The following NOS2 variants were observed in gnomAD, a reference collection of about 807,000 sequenced individuals.
NOS2 encodes nitric oxide synthase 2, also known as nitric oxide synthase, inducible.
NOS2 carries 96 observed loss-of-function variants against 136.0 expected under a neutral mutation model. The ratio of observed to expected loss-of-function variants is 0.71; its 90% CI spans 0.60 to 0.84. The LOEUF (loss-of-function observed/expected upper bound fraction) is 0.84. Ranked by LOEUF, NOS2 falls within the 40% of genes least tolerant of loss-of-function variation. The probability of loss-of-function intolerance (pLI) is 0.00; values close to 1 mark genes in which losing one functional copy is unlikely to be tolerated. For missense variants in NOS2, 1,237 were observed against 1,496.9 expected (o/e 0.83, Z 2.87); for synonymous variants, 539 against 587.5 (o/e 0.92, Z 1.20).
chr17:27,794,342 G>A (rs1909286029), intron 2 of NOS2, among the ~76,000 whole-genome samples: 1 of 152,214 alleles, frequency 6.6e-6, no homozygotes, highest in Non-Finnish European at 1.5e-5. Context: ...TATTGCAGGA[G>A]GGATCGTAAG....
At chr17:27,776,859 T>A (rs1168828827) in intron 11 of NOS2, among the ~76,000 whole-genome samples, 2 of 152,102 alleles carry the variant, frequency 1.3e-5, no homozygotes, top group African/African-American at 4.8e-5. Context: ...ATTATCCCCA[T>A]TTTACAGAGG....
At chr17:27,765,231 A>C (rs923413008) in intron 20 of NOS2, among the ~76,000 whole-genome samples, 4 of 152,092 alleles carry the variant, frequency 2.6e-5, no homozygotes, top group African/African-American at 7.2e-5. Context: ...CAAGTGATCC[A>C]CCCACCACGG....
At chr17:27,785,331 A>G (rs1254064409) in intron 5 of NOS2, among the ~76,000 whole-genome samples, 1 of 152,142 alleles carries the variant, frequency 6.6e-6, no homozygotes, top group Admixed American at 6.5e-5. Flanking sequence ...AAATCCCTGG[A>G]CCCCGAAAGG....
At position 27,760,064 on chromosome 17, in the gene NOS2, T is replaced by A. The variant is rs568465927; in HGVS notation, c.3125A>T (p.His1042Leu). Residue 1042 changes from histidine (H) to leucine (L), a missense_variant, in exon 25 of 27, where the codon CAC becomes CTC. His to Leu is a moderately conservative substitution (Grantham distance 99). This residue lies in a region of NOS2 where 782 missense variants were observed against 909.9 expected (regional missense o/e 0.86). Transcript: ENST00000313735. ...GCCAGGCAGGCGGGAATAGGCTGTG[T>A]GCACCGCATGCAGCACCCCCTTCTG... The part of the protein sequence containing the change: ...MAQKGVLHAV[H>L]TAYSRLPGKP... 6.3e-6 allele frequency: 10 copies of A among 1,589,974 alleles called. No homozygotes were observed. In the Admixed American group the frequency reaches 1.8e-4, roughly 29 times the overall value.
chr17:27,771,789 GAGCTCCCCA>G (rs1273770904), intron 14 of NOS2, among the ~76,000 whole-genome samples: 2 of 152,246 alleles, frequency 1.3e-5, no homozygotes, highest in Non-Finnish European at 2.9e-5. Flanking sequence ...GTATGCTGGA[GAGCTCCCCA>G]AGGGCAAGGC....
chr17:27,778,766 T>G lies in NOS2; in HGVS notation c.1205A>C (p.Glu402Ala), dbSNP rs776131561. The G allele has an allele frequency of 6.2e-7, 1 of 1,614,070 alleles. No homozygotes were observed. Among genetic ancestry groups the G allele is most frequent in the East Asian group, 2.2e-5 (1 of 44,888 alleles). Residue 402 changes from glutamate to alanine, a missense_variant, in exon 11 of 27, where the codon GAA becomes GCA. Glu to Ala is a moderately radical substitution (Grantham distance 107, BLOSUM62 -1). Transcript: ENST00000313735. ...LEEVGRRMGL[E>A]THKLASLWKD... ...CCAGAGCGAGGCCAGCTTGTGCGTT[T>G]CCAGGCCCATTCTCCTGCCCACTTC...
In NOS2 at chr17:27,778,917, C is replaced by A; in HGVS notation, c.1144G>T (p.Asp382Tyr). 1.2e-6 allele frequency: 2 copies of A among 1,609,174 alleles called. No homozygotes were observed. Among genetic ancestry groups the A allele is most frequent in the South Asian group, 1.1e-5 (1 of 90,678 alleles). ...TTGTAGCGCTGGACGTCACAGAAGT[C>A]CCGGACTCCGATCTCTGTGCCCATG... ...WYMGTEIGVR[D>Y]FCDVQRYNIL... Residue 382 changes from aspartate to tyrosine, a missense_variant, in exon 10 of 27, where the codon GAC (aspartate) becomes TAC (tyrosine). By Grantham distance (160) the Asp-to-Tyr change is radical. This residue lies in a region of NOS2 where 440 missense variants were observed against 545.4 expected (regional missense o/e 0.81). Coordinates refer to ENST00000313735, the MANE Select transcript of NOS2 (RefSeq NM_000625.4).
rs145472296 is a variant in NOS2, at chr17:27,762,937, C to G, written c.2661G>C (p.Pro887=). 3 of 1,605,914 alleles carry G rather than the reference C, an allele frequency of 1.9e-6. No individual in the cohort carries two copies. The highest frequency in any genetic ancestry group is 2.5e-6 in the Non-Finnish European group (3 of 1,177,106). ...GGAAGCCAGCAGACACCCGCAGGGA[C>G]GGGAACTCCTCTAGCACCTCCAGGA... ...PTFLEVLEEF[P]SLRVSAGFLL... Residue 887 remains proline (P), a synonymous_variant, in exon 22 of 27, where the codon CCG becomes CCC. Transcript: ENST00000313735.
At chr17:27,765,506 C>T (rs1908267890) in intron 20 of NOS2, 29 bp downstream of exon 20, 2 of 1,556,262 alleles carry the variant, frequency 1.3e-6, no homozygotes, top group Non-Finnish European at 1.7e-6. Context: ...GGGTGCCAGG[C>T]AGCACTGGCT....
chr17:27,792,994 T>C lies in NOS2; in HGVS notation c.111-3306A>G, dbSNP rs184337511. ...AGTGAGACCCTATCAAAAAAAGGGG[T>C]CGGGGGCGTGGGGAGTGCTGTGAGT... is the stretch of plus-strand genomic sequence containing the variant. On this transcript the variant is annotated intron_variant, in intron 2 of 26. Transcript: ENST00000313735. Among the ~76,000 whole-genome samples, 663 of 150,642 alleles carry C rather than the reference T, an allele frequency of 4.4e-3. 5 individuals are homozygous for C. The highest frequency in any genetic ancestry group is 0.011 in the Admixed American group (161 of 15,120).
At chr17:27,771,627 C>T (rs1908498457) in intron 14 of NOS2, among the ~76,000 whole-genome samples, 1 of 152,266 alleles carries the variant, frequency 6.6e-6, no homozygotes, top group Admixed American at 6.5e-5. Flanking sequence ...ATTACACTGG[C>T]CTGTGCCCTG....
intron 2 of NOS2, among the ~76,000 whole-genome samples, chr17:27,791,783 A>AT (rs1158978570): frequency 1.6e-5 from 2 of 127,044 alleles, no homozygotes; most frequent in African/African-American, 5.3e-5. Flanking sequence ...AAAACAAAAC[A>AT]AAACAAAACA....
At chr17:27,790,468 A>T (rs1354452127) in intron 2 of NOS2, among the ~76,000 whole-genome samples, 5 of 152,208 alleles carry the variant, frequency 3.3e-5, no homozygotes, top group Non-Finnish European at 7.3e-5. Context: ...CTTATTCTAC[A>T]TTTCTATTAC....
At chr17:27,781,251 C>G in intron 7 of NOS2, 74 bp from the exon 8 acceptor site, 1 of 1,496,738 alleles carries the variant, frequency 6.7e-7, no homozygotes. Context: ...CTGGCCCTAC[C>G]TCCCTCTCCA....
At position 27,763,985 on chromosome 17, in the gene NOS2, C is replaced by A. The variant is rs1324459526; in HGVS notation, c.2588G>T (p.Cys863Phe). ...EPERQRLEAL[C>F]QPSEYSKWKF... The stretch of plus-strand genomic sequence containing the variant: ...CCCACCAGCCCTGATCTTCACCTGG[C>A]ACAGGGCCTCCAGCCTCTGTCTCTC... Residue 863 changes from cysteine to phenylalanine, a missense_variant, in exon 21 of 27, where the codon TGC becomes TTC. Cys to Phe is a radical substitution (Grantham distance 205). Transcript: ENST00000313735. 3 of 1,612,368 alleles carry A rather than the reference C, an allele frequency of 1.9e-6. No homozygotes were observed. The African/African-American group carries it at 4.0e-5, about 22-fold the overall frequency.
rs201381506 is a variant in NOS2, at chr17:27,762,930, G to A, written c.2668C>T (p.Arg890Trp). 474 of 1,605,142 alleles carry A rather than the reference G, an allele frequency of 3.0e-4. No individual in the cohort carries two copies. Among genetic ancestry groups the A allele is most frequent in the Non-Finnish European group, 3.9e-4 (457 of 1,176,812 alleles). ...LEVLEEFPSL[R>W]VSAGFLLSQL... ...GAAAGCAGGAAGCCAGCAGACACCC[G>A]CAGGGACGGGAACTCCTCTAGCACC... is the stretch of plus-strand genomic sequence containing the variant. The change falls in exon 22 of 27, where the codon CGG (arginine) becomes TGG (tryptophan). Residue 890 changes from arginine to tryptophan, a missense_variant. Physicochemically the swap from Arg to Trp is moderately radical, Grantham distance 101. Around this residue, in one of 3 missense-constraint regions of NOS2, gnomAD observed 782 missense variants for 909.9 expected, o/e 0.86. Coordinates refer to ENST00000313735, the MANE Select transcript of NOS2 (RefSeq NM_000625.4).
chr17:27,769,522 GA>G lies in NOS2; in HGVS notation c.1859+12del. On this transcript the variant is annotated intron_variant, in intron 16 of 26. Coordinates refer to ENST00000313735, the MANE Select transcript of NOS2 (RefSeq NM_000625.4). ...GGGCAGGGCTAGGAGTAGGACAACGGAAAAAGCTTTACCTGAATTTGTTGTT... is the reference window on the plus strand; with the variant it reads ...GGGCAGGGCTAGGAGTAGGACAACGGAAAAGCTTTACCTGAATTTGTTGTT... The G allele has an allele frequency of 6.2e-7, 1 of 1,612,054 alleles. No homozygotes were observed. Among genetic ancestry groups the G allele is most frequent in the Non-Finnish European group, 8.5e-7 (1 of 1,178,600 alleles).
chr17:27,767,900 G>T, intron 17 of NOS2, 63 bp from the exon 18 acceptor site: 2 of 1,601,624 alleles, frequency 1.2e-6, no homozygotes, highest in Non-Finnish European at 1.7e-6. Context: ...CACCACTGGG[G>T]CTACCACTTT....
At chr17:27,799,438 A>T (rs1909460937) in intron 1 of NOS2, among the ~76,000 whole-genome samples, 1 of 152,238 alleles carries the variant, frequency 6.6e-6, no homozygotes, top group South Asian at 2.1e-4. Flanking sequence ...ATATTTGTGA[A>T]AAATGCACTC....
Sources: allele counts gnomAD v4.1 joint callset (sites outside exome capture counted in the v4.1 genomes callset), GRCh38; gene constraint gnomAD v4.1.1; regional missense constraint gnomAD v4.1.1; transcripts MANE v1.5; gene names NCBI Gene and HGNC (gene_info 2026-07-23, HGNC 2026-07-21).